FRMD4B: variants seen among roughly 807,000 people sequenced by gnomAD.
The protein encoded by FRMD4B is FERM domain-containing protein 4B.
Under a neutral mutation model 141.5 loss-of-function variants are expected in FRMD4B, and 74 were observed. The ratio of observed to expected loss-of-function variants is 0.52; its 90% confidence interval spans 0.43 to 0.63. The LOEUF is 0.63. Ranked by LOEUF, FRMD4B falls within the 30% of genes least tolerant of loss-of-function variation. FRMD4B has a pLI of 0.00. For missense variants in FRMD4B, 1,366 were observed against 1,253.4 expected, an observed-to-expected ratio of 1.09 and a Z score of -1.36; for synonymous variants, 506 against 467.9, an observed-to-expected ratio of 1.08 and a Z score of -1.05.
chr3:69,250,290 CGTGTGTGTGTGTGTGTGT>C (rs10526962), intron 5 of FRMD4B, 191 bp from the exon 6 acceptor site: 15 of 418,448 alleles, frequency 3.6e-5, no homozygotes, highest in Non-Finnish European at 4.4e-5. Context: ...ACTGTGTGTG[CGTGTGTGTGTGTGTGTGT>C]GTGTGTGTGT....
At chr3:69,484,854 C>A (rs1046643437) in intron 1 of FRMD4B, among the ~76,000 whole-genome samples, 2 of 152,154 alleles carry the variant, frequency 1.3e-5, no homozygotes, top group African/African-American at 4.8e-5. Context: ...TATGTGCTAA[C>A]TCGTCCATGG....
chr3:69,282,416 G>A lies in FRMD4B; in HGVS notation c.501+5336C>T, dbSNP rs538258207. Among the ~76,000 whole-genome samples the A allele has an allele frequency of 3.3e-5, 5 of 152,222 alleles. No homozygotes were observed. The East Asian group carries it at 9.7e-4, about 29-fold the overall frequency. On this transcript the variant is annotated intron_variant, in intron 5 of 22. Transcript: ENST00000398540. ...TTAACAGCAGCTACCAACCATCAGTGACTCACTTTTGCCAATCAATAAATC... is the reference window on the plus strand; with the variant it reads ...TTAACAGCAGCTACCAACCATCAGTAACTCACTTTTGCCAATCAATAAATC...
chr3:69,330,246 G>A (rs1446940650), intron 1 of FRMD4B, among the ~76,000 whole-genome samples: 2 of 146,894 alleles, frequency 1.4e-5, no homozygotes, highest in African/African-American at 5.1e-5. Context: ...CTACTTTGAA[G>A]GTCCCATTGG....
chr3:69,459,360 G>GA (rs1559533884), intron 1 of FRMD4B, among the ~76,000 whole-genome samples: 2 of 151,924 alleles, frequency 1.3e-5, no homozygotes, highest in Admixed American at 6.5e-5. Flanking sequence ...ACTCAGAAAG[G>GA]AAAAAAATGA....
At chr3:69,185,955 T>C (rs990691237) in intron 19 of FRMD4B, among the ~76,000 whole-genome samples, 44 of 151,650 alleles carry the variant, frequency 2.9e-4, no homozygotes, top group Middle Eastern at 3.2e-3. Context: ...GGGGGGAGAA[T>C]TGCTTGAACC....
chr3:69,200,554 A>G, intron 11 of FRMD4B: 1 of 1,114,402 alleles, frequency 9.0e-7, no homozygotes, highest in Non-Finnish European at 1.1e-6. Flanking sequence ...AATTTCACAA[A>G]CTGAGCCTCC....
At chr3:69,203,341 A>AAGAAAG (rs768023621) in intron 11 of FRMD4B, among the ~76,000 whole-genome samples, 8 of 76,982 alleles carry the variant, frequency 1.0e-4, no homozygotes, top group Non-Finnish European at 1.5e-4. Context: ...AAAAAAAAAA[A>AAGAAAG]AAAGAAAGAA....
intron 1 of FRMD4B, among the ~76,000 whole-genome samples, chr3:69,512,988 C>T (rs1214458462): frequency 6.6e-6 from 1 of 151,950 alleles, no homozygotes; most frequent in Non-Finnish European, 1.5e-5. Context: ...AACAACCTAA[C>T]TTTATAACTC....
intron 2 of FRMD4B, among the ~76,000 whole-genome samples, chr3:69,429,676 C>A (rs966232825): frequency 2.0e-5 from 3 of 151,202 alleles, no homozygotes; most frequent in Admixed American, 6.6e-5. Flanking sequence ...TGGTATGCAA[C>A]GCGGGCAGAA....
At chr3:69,370,622 T>C (rs755722772) in intron 1 of FRMD4B, among the ~76,000 whole-genome samples, 2 of 152,262 alleles carry the variant, frequency 1.3e-5, no homozygotes, top group Non-Finnish European at 2.9e-5. Flanking sequence ...TACAAATGTA[T>C]TTCAACATAC....
intron 5 of FRMD4B, among the ~76,000 whole-genome samples, chr3:69,264,296 G>T (rs2093547028): frequency 6.6e-6 from 1 of 152,172 alleles, no homozygotes; most frequent in Non-Finnish European, 1.5e-5. Context: ...GGCAGGAATT[G>T]TTATCTGTTT....
chr3:69,304,981 T>C (rs1010824754), intron 3 of FRMD4B, among the ~76,000 whole-genome samples: 2 of 152,140 alleles, frequency 1.3e-5, no homozygotes, highest in African/African-American at 4.8e-5. Flanking sequence ...GTAGTAGTAA[T>C]AATAACAATA....
intron 1 of FRMD4B, among the ~76,000 whole-genome samples, chr3:69,444,918 G>A (rs1001898900): frequency 2.0e-5 from 3 of 152,112 alleles, no homozygotes; most frequent in African/African-American, 4.8e-5. Flanking sequence ...CTCATACCAC[G>A]TGGAGAAATT....
At chr3:69,260,384 C>T (rs1191923557) in intron 5 of FRMD4B, among the ~76,000 whole-genome samples, 4 of 152,222 alleles carry the variant, frequency 2.6e-5, no homozygotes, top group South Asian at 2.1e-4. Flanking sequence ...TGGTCGTCGC[C>T]GCCAGCCCTG....
chr3:69,348,703 C>T (rs1309860767), intron 1 of FRMD4B, among the ~76,000 whole-genome samples: 2 of 152,166 alleles, frequency 1.3e-5, no homozygotes, highest in Non-Finnish European at 2.9e-5. Flanking sequence ...TAAATGTAAT[C>T]CAGCATATAA....
intron 1 of FRMD4B, among the ~76,000 whole-genome samples, chr3:69,528,277 CCTTCCTTCCTTTT>C (rs1440666956): frequency 1.4e-5 from 2 of 145,622 alleles, no homozygotes; most frequent in African/African-American, 5.0e-5. Context: ...TTCCTACCTT[CCTTCCTTCCTTTT>C]CTTCCTTCCT....
chr3:69,383,472 G>A (rs1189755013), intron 1 of FRMD4B, among the ~76,000 whole-genome samples: 1 of 152,162 alleles, frequency 6.6e-6, no homozygotes, highest in East Asian at 1.9e-4. Context: ...ATACATATTA[G>A]ATGTACATAG....
chr3:69,265,270 ATATATATATATATATAT>A (rs377411635), intron 5 of FRMD4B, among the ~76,000 whole-genome samples: 594 of 20,220 alleles, frequency 0.029, 137 homozygotes, highest in South Asian at 0.09. Context: ...AAAAAAAAAA[ATATATATATATATATAT>A]ATATATATAT....
rs1263973162 is a variant in FRMD4B at position 69,385,888 on chromosome 3, C to G, written c.102G>C (p.Glu34Asp). The G allele has an allele frequency of 3.1e-6, 5 of 1,602,270 alleles. No individual in the cohort carries two copies. Among genetic ancestry groups the G allele is most frequent in the Non-Finnish European group, 4.3e-6 (5 of 1,175,196 alleles). Residue 34 changes from glutamate (E) to aspartate (D), a missense_variant, in exon 1 of 23, where the codon GAG becomes GAC. By Grantham distance (45) the Glu-to-Asp change is conservative. Transcript: ENST00000398540. The part of the protein sequence containing the change: ...TVSTLRRWYT[E>D]RLRACHQVLR... ...GCACCTGGTGGCAAGCCCGCAGCCTCTCCGTGTACCATCTCCGCAGCGTGG... is the reference window on the plus strand; with the variant it reads ...GCACCTGGTGGCAAGCCCGCAGCCTGTCCGTGTACCATCTCCGCAGCGTGG...
Sources: gnomAD v4.1 joint callset for allele counts (sites outside exome capture counted in the v4.1 genomes callset) on GRCh38, gnomAD v4.1.1 for gene constraint, MANE v1.5 for transcripts, NCBI Gene and HGNC (gene_info 2026-07-23, HGNC 2026-07-21) for gene names.